Variants in CCNYL1 observed in about 807,000 individuals in gnomAD.
CCNYL1 encodes the protein cyclin-Y-like protein 1.
CCNYL1 carries 16 observed loss-of-function variants against 44.2 expected under a neutral mutation model. That is an observed-to-expected ratio of 0.36 (90% CI 0.25 to 0.55). The LOEUF is 0.55. Ranked by LOEUF, CCNYL1 falls within the 20% of genes least tolerant of loss-of-function variation. The pLI, the probability that CCNYL1 is intolerant of heterozygous loss-of-function variation, is 0.85. For missense variants in CCNYL1, 348 were observed against 451.8 expected, an observed-to-expected ratio of 0.77 and a Z score of 2.08; for synonymous variants, 159 against 163.2, an observed-to-expected ratio of 0.97 and a Z score of 0.20.
intron 7 of CCNYL1, among the ~76,000 whole-genome samples, chr2:207,743,847 T>G (rs929041549): frequency 2.0e-5 from 3 of 152,164 alleles, no homozygotes; most frequent in Non-Finnish European, 4.4e-5. Context: ...TTTGTTTTAA[T>G]TTTTTAGTAG....
intron 1 of CCNYL1, among the ~76,000 whole-genome samples, chr2:207,714,046 A>G (rs2091573826): frequency 1.3e-5 from 2 of 152,298 alleles, no homozygotes; most frequent in South Asian, 4.1e-4. Context: ...GCCTGTTTAT[A>G]TTCCCCGTGT....
intron 1 of CCNYL1, among the ~76,000 whole-genome samples, chr2:207,713,219 A>C (rs1332701145): frequency 6.6e-6 from 1 of 152,154 alleles, no homozygotes; most frequent in East Asian, 1.9e-4. Flanking sequence ...AGACTTCAAT[A>C]CCTCCTTGTT....
chr2:207,744,223 A>T (rs1281675361), intron 7 of CCNYL1, among the ~76,000 whole-genome samples: 1 of 137,348 alleles, frequency 7.3e-6, no homozygotes, highest in Non-Finnish European at 1.5e-5. Context: ...CTAGACAGGA[A>T]CATTTTGTGT....
At chr2:207,716,189 C>CT (rs2091593770) in intron 1 of CCNYL1, among the ~76,000 whole-genome samples, 1 of 152,086 alleles carries the variant, frequency 6.6e-6, no homozygotes, top group African/African-American at 2.4e-5. Context: ...AGGAGCTTTG[C>CT]TAATTTGCTG....
At chr2:207,745,859 T>G (rs1176051372) in intron 7 of CCNYL1, among the ~76,000 whole-genome samples, 1 of 152,174 alleles carries the variant, frequency 6.6e-6, no homozygotes, top group Non-Finnish European at 1.5e-5. Flanking sequence ...GAGAATCGCT[T>G]GAACCCAGGG....
chr2:207,722,785 C>T (rs1475866108), intron 1 of CCNYL1, among the ~76,000 whole-genome samples: 1 of 151,894 alleles, frequency 6.6e-6, no homozygotes. Context: ...ATGGTGAAAC[C>T]CAGTCCCTAC....
intron 1 of CCNYL1, among the ~76,000 whole-genome samples, chr2:207,717,283 T>G (rs1271162797): frequency 6.6e-6 from 1 of 152,124 alleles, no homozygotes; most frequent in Non-Finnish European, 1.5e-5. Flanking sequence ...AAAGATTTGA[T>G]TAGATGACAA....
intron 7 of CCNYL1, among the ~76,000 whole-genome samples, chr2:207,744,326 G>A (rs531291132): frequency 3.3e-5 from 5 of 151,828 alleles, no homozygotes; most frequent in African/African-American, 1.2e-4. Flanking sequence ...GTCACATAGG[G>A]CCTTTTGGCT....
At chr2:207,749,005 A>G (rs1402640350) in intron 8 of CCNYL1, among the ~76,000 whole-genome samples, 2 of 152,224 alleles carry the variant, frequency 1.3e-5, no homozygotes, top group African/African-American at 4.8e-5. Flanking sequence ...CCCTACCATG[A>G]TGGCAGCTAA....
intron 7 of CCNYL1, among the ~76,000 whole-genome samples, 176 bp downstream of exon 7, chr2:207,742,518 T>C (rs1016170648): frequency 4.6e-5 from 7 of 152,170 alleles, no homozygotes; most frequent in African/African-American, 1.7e-4. Flanking sequence ...GTTGAACATG[T>C]TTCCATTGCT....
intron 5 of CCNYL1, 130 bp downstream of exon 5, chr2:207,737,576 G>A (rs2091775202): frequency 3.1e-6 from 2 of 649,816 alleles, no homozygotes; most frequent in East Asian, 6.5e-5. Flanking sequence ...TGAATCATTT[G>A]TGGTTTTTCT....
rs1390864549 is a variant in CCNYL1 at position 207,755,659 on chromosome 2, A to G, written c.*1961A>G. ...AGAAGGTGATATGAACAGCTGTTTT[A>G]TCATCCTACATGCTACCAAGCTGTA... On this transcript the variant is annotated 3_prime_UTR_variant, in exon 10 of 10. Coordinates refer to ENST00000295414, the MANE Select transcript of CCNYL1 (RefSeq NM_001330218.2). 3.3e-5 allele frequency: 5 copies of G among 152,238 alleles called. No individual in the cohort carries two copies. Among genetic ancestry groups the G allele is most frequent in the Non-Finnish European group, 5.9e-5 (4 of 68,028 alleles). The allele number at this position is 152,238 out of a possible 1,614,324, so 9.4% of individuals were successfully genotyped here. A position where few individuals can be genotyped will look rare whatever the true frequency, so the allele number is the denominator to read the frequency against.
At chr2:207,751,530 G>T (rs2091890340) in intron 9 of CCNYL1, among the ~76,000 whole-genome samples, 1 of 151,406 alleles carries the variant, frequency 6.6e-6, no homozygotes, top group Non-Finnish European at 1.5e-5. Flanking sequence ...GACCAGCCTG[G>T]CGAACATGGT....
intron 8 of CCNYL1, among the ~76,000 whole-genome samples, chr2:207,747,587 T>C (rs1290958077): frequency 2.0e-5 from 3 of 152,240 alleles, no homozygotes; most frequent in Non-Finnish European, 2.9e-5. Flanking sequence ...CTTGCTCGGT[T>C]GCCTAGGCTG....
chr2:207,736,949 T>C (rs2091769904), intron 4 of CCNYL1, among the ~76,000 whole-genome samples: 2 of 151,402 alleles, frequency 1.3e-5, no homozygotes, highest in South Asian at 4.2e-4. Flanking sequence ...GGAGTCTCGC[T>C]CTGTCGCCCA....
At chr2:207,749,345 G>A (rs992421998) in intron 8 of CCNYL1, among the ~76,000 whole-genome samples, 29 of 152,224 alleles carry the variant, frequency 1.9e-4, no homozygotes, top group African/African-American at 7.0e-4. Context: ...TTTTAAATTG[G>A]TGTCTATCAG....
rs766046436 is a variant in CCNYL1 at position 207,753,632 on chromosome 2, T to C, written c.1014T>C (p.Ala338=). The change falls in exon 10 of 10, where the codon GCT becomes GCC. Residue 338 remains alanine (A), a synonymous_variant. Transcript: ENST00000295414. ...AAGACAAAGACTTGTGTAGAGCCGCTATGAGAAGGTCTTTCAGTGCTGATA... is the reference window on the plus strand; with the variant it reads ...AAGACAAAGACTTGTGTAGAGCCGCCATGAGAAGGTCTTTCAGTGCTGATA... ...LCEDKDLCRA[A]MRRSFSADNF... The C allele has an allele frequency of 2.5e-6, 4 of 1,613,214 alleles. No individual in the cohort carries two copies. The East Asian group carries it at 8.9e-5, about 36-fold the overall frequency.
Position 207,711,799 on chromosome 2 carries a change from G to A in CCNYL1, c.-98G>A, listed in dbSNP as rs917821503. 2.4e-6 allele frequency: 2 copies of A among 824,058 alleles called. No homozygotes were observed. Among genetic ancestry groups the A allele is most frequent in the African/African-American group, 1.8e-5 (1 of 55,500 alleles). The allele number at this position is 824,058 out of a possible 1,614,324, so 51.0% of individuals were successfully genotyped here. A position where few individuals can be genotyped will look rare whatever the true frequency, so the allele number is the denominator to read the frequency against. On this transcript the variant is annotated 5_prime_UTR_variant, in exon 1 of 10. Transcript: ENST00000295414. ...AGCCCCAGCGTAGCCCGGGGCTGCC[G>A]GTGCCGGCCGCGCCATTGTTGGGGG...
At chr2:207,727,550 A>G (rs1364467044) in intron 3 of CCNYL1, among the ~76,000 whole-genome samples, 1 of 151,950 alleles carries the variant, frequency 6.6e-6, no homozygotes, top group Non-Finnish European at 1.5e-5. Flanking sequence ...TGTGGAATTA[A>G]TTTCCTGACT....
Sources: allele counts gnomAD v4.1 joint callset (sites outside exome capture counted in the v4.1 genomes callset), GRCh38; gene constraint gnomAD v4.1.1; transcripts MANE v1.5; gene names NCBI Gene and HGNC (gene_info 2026-07-23, HGNC 2026-07-21).